The following EYS variants were observed in gnomAD, a reference collection of about 807,000 sequenced individuals.
EYS encodes the protein EGF-like photoreceptor maintenance factor, also known as protein eyes shut homolog.
EYS carries 250 observed loss-of-function variants against 282.1 expected under a neutral mutation model. The ratio of observed to expected loss-of-function variants is 0.89; its 90% CI spans 0.80 to 0.98. EYS has a LOEUF of 0.98. Ranked by LOEUF, EYS falls within the 50% of genes least tolerant of loss-of-function variation. The pLI is 0.00. For missense variants in EYS, 4,016 were observed against 3,709.0 expected, an observed-to-expected ratio of 1.08 and a Z score of -2.15; for synonymous variants, 1,355 against 1,282.9, an observed-to-expected ratio of 1.06 and a Z score of -1.20.
rs1274580014 is a variant in EYS at position 65,492,807 on chromosome 6, A to C, written c.748+1856T>G. Among the ~76,000 whole-genome samples, 3 of 152,212 alleles carry C rather than the reference A, an allele frequency of 2.0e-5. No homozygotes were observed. In the East Asian group the frequency reaches 5.8e-4, roughly 29 times the overall value. On this transcript the variant is annotated intron_variant, in intron 4 of 42. Transcript: ENST00000503581. ...GCTATTATTGGTATTAACTTCTATA[A>C]TAATCTTGGTACTAAGCTATCAAGT...
In EYS at chr6:64,902,471, C is replaced by T. The variant is rs956494216; in HGVS notation, c.2671G>A (p.Val891Met). 3.9e-6 allele frequency: 6 copies of T among 1,536,462 alleles called. No homozygotes were observed. The highest frequency in any genetic ancestry group is 3.5e-6 in the Non-Finnish European group (4 of 1,143,046). ...EFEGKNCEID[V>M]KDCLFLSCQD... is the part of the protein sequence containing the mutation. ...CAGGAAAGGAAGAGGCAGTCTTTCA[C>T]ATCAATTTCACAGTTTTTACCTTCA... The change falls in exon 17 of 43, where the codon GTG (valine) becomes ATG (methionine). Residue 891 changes from valine to methionine, a missense_variant. By Grantham distance (21) the Val-to-Met change is conservative (BLOSUM62 1). Coordinates refer to ENST00000503581, the MANE Select transcript of EYS (RefSeq NM_001142800.2).
At chr6:64,186,286 G>T (rs896652887) in intron 31 of EYS, among the ~76,000 whole-genome samples, 3 of 144,246 alleles carry the variant, frequency 2.1e-5, no homozygotes, top group Non-Finnish European at 4.6e-5. Context: ...CACACACACG[G>T]TTCTGATTTT....
intron 22 of EYS, among the ~76,000 whole-genome samples, chr6:64,783,839 G>A (rs752221337): frequency 2.6e-5 from 4 of 151,956 alleles, no homozygotes; most frequent in Non-Finnish European, 4.4e-5. Flanking sequence ...AAGTAGATTC[G>A]AACTTTCTTT....
At position 64,391,563 on chromosome 6, in the gene EYS, T is replaced by A. The variant is rs1009802348; in HGVS notation, c.5928-2723A>T. Among the ~76,000 whole-genome samples, 65 of 151,974 alleles carry A rather than the reference T, an allele frequency of 4.3e-4. 1 individual carries two copies. The East Asian group carries it at 0.011, about 25-fold the overall frequency. On this transcript the variant is annotated intron_variant, in intron 28 of 42. Transcript: ENST00000503581. The stretch of plus-strand genomic sequence containing the variant: ...GAAGGAGAAATAAAATACTTTACAG[T>A]CAAGCAAATGCTGAGAGATTTTGTC...
intron 31 of EYS, among the ~76,000 whole-genome samples, chr6:64,093,069 T>G (rs549313056): frequency 3.8e-4 from 58 of 152,312 alleles, no homozygotes; most frequent in Non-Finnish European, 5.0e-4. Context: ...GTTGTAGATA[T>G]GTGGCATTAT....
intron 2 of EYS, among the ~76,000 whole-genome samples, chr6:65,588,146 T>G (rs972292853): frequency 4.6e-5 from 7 of 152,180 alleles, no homozygotes; most frequent in Admixed American, 3.9e-4. Context: ...AATTAGATAA[T>G]GAAATTTCCT....
At chr6:65,014,296 C>T (rs183414737) in intron 13 of EYS, among the ~76,000 whole-genome samples, 4 of 152,270 alleles carry the variant, frequency 2.6e-5, no homozygotes, top group African/African-American at 2.4e-5. Context: ...TCTTGTGAGA[C>T]CATGAGTAGA....
intron 2 of EYS, among the ~76,000 whole-genome samples, chr6:65,511,089 T>C (rs1342256884): frequency 6.6e-6 from 1 of 152,198 alleles, no homozygotes; most frequent in African/African-American, 2.4e-5. Flanking sequence ...TCCAATTCCA[T>C]TCTCACAGTC....
At chr6:65,192,499 T>C (rs956118595) in intron 12 of EYS, among the ~76,000 whole-genome samples, 1 of 151,820 alleles carries the variant, frequency 6.6e-6, no homozygotes. Context: ...AAGTTCATAC[T>C]GTACTAAACA....
intron 18 of EYS, among the ~76,000 whole-genome samples, chr6:64,900,585 CTT>C (rs1401103922): frequency 2.6e-5 from 4 of 152,232 alleles, no homozygotes; most frequent in Admixed American, 2.6e-4. Flanking sequence ...TGAACACACA[CTT>C]TTCAAAAGAA....
intron 10 of EYS, among the ~76,000 whole-genome samples, chr6:65,337,361 T>A (rs1770027303): frequency 6.6e-6 from 1 of 151,582 alleles, no homozygotes; most frequent in Middle Eastern, 3.4e-3. Flanking sequence ...TCATTTCTGT[T>A]TGAGTATGTA....
chr6:64,731,386 A>G, intron 22 of EYS, among the ~76,000 whole-genome samples: 1 of 152,348 alleles, frequency 6.6e-6, no homozygotes, highest in Middle Eastern at 3.4e-3. Context: ...CGGGCAGCCT[A>G]CAGAATGGGA....
intron 18 of EYS, among the ~76,000 whole-genome samples, chr6:64,901,294 G>GTA (rs70999177): frequency 0.012 from 1,521 of 127,668 alleles, 27 homozygotes; most frequent in East Asian, 0.02. Flanking sequence ...ATGTAGTTGA[G>GTA]TATATATATA....
intron 22 of EYS, among the ~76,000 whole-genome samples, chr6:64,724,319 C>CT (rs1394035454): frequency 1.3e-5 from 2 of 152,170 alleles, no homozygotes; most frequent in Non-Finnish European, 2.9e-5. Context: ...TTTGCCTTGC[C>CT]TGCTAGCCAA....
At chr6:65,181,390 G>A (rs1467187267) in intron 12 of EYS, among the ~76,000 whole-genome samples, 1 of 152,110 alleles carries the variant, frequency 6.6e-6, no homozygotes, top group Non-Finnish European at 1.5e-5. Flanking sequence ...ATCAAAAAAT[G>A]GGTGAAGGAT....
chr6:64,594,009 A>T (rs1263890988), intron 24 of EYS, among the ~76,000 whole-genome samples: 2 of 152,188 alleles, frequency 1.3e-5, no homozygotes, highest in East Asian at 3.9e-4. Context: ...TGATTTTAAA[A>T]TACTAATACA....
Position 65,339,340 on chromosome 6 carries a change from C to G in EYS, c.1600-4194G>C, listed in dbSNP as rs573467089. Among the ~76,000 whole-genome samples, 5 of 151,232 alleles carry G rather than the reference C, an allele frequency of 3.3e-5. No individual in the cohort carries two copies. In the South Asian group the frequency reaches 1.0e-3, roughly 31 times the overall value. Reference sequence around the variant, plus strand: ...TAATAAAAAATGACAGCAGTCCTCCCTTATTGTTGGTTTCGCTTTCCATGA... The same window carrying G: ...TAATAAAAAATGACAGCAGTCCTCCGTTATTGTTGGTTTCGCTTTCCATGA... On this transcript the variant is annotated intron_variant, in intron 10 of 42. Transcript: ENST00000503581.
chr6:64,043,200 A>G (rs1770468897), intron 33 of EYS, among the ~76,000 whole-genome samples: 1 of 152,200 alleles, frequency 6.6e-6, no homozygotes, highest in Admixed American at 6.5e-5. Flanking sequence ...TAATTTGTCA[A>G]TTTTATAAAA....
At chr6:64,226,850 T>G (rs542213046) in intron 31 of EYS, among the ~76,000 whole-genome samples, 1 of 152,222 alleles carries the variant, frequency 6.6e-6, no homozygotes, top group African/African-American at 2.4e-5. Context: ...TTCCTTAGTC[T>G]CATAGCTCCA....
Sources: allele counts gnomAD v4.1 joint callset (sites outside exome capture counted in the v4.1 genomes callset), GRCh38; gene constraint gnomAD v4.1.1; transcripts MANE v1.5; gene names NCBI Gene and HGNC (gene_info 2026-07-23, HGNC 2026-07-21).